AGBL4: variants seen among roughly 807,000 people sequenced by gnomAD.
AGBL4 encodes AGBL carboxypeptidase 4, also known as cytosolic carboxypeptidase 6.
AGBL4 carries 58 observed loss-of-function variants against 66.4 expected under a neutral mutation model. The ratio of observed to expected loss-of-function variants is 0.87; its 90% confidence interval spans 0.71 to 1.09. The LOEUF (loss-of-function observed/expected upper bound fraction) is 1.09, where lower values mean the gene tolerates loss of function less well. Among genes scored for constraint, AGBL4 ranks in the 50% least tolerant of loss-of-function variants. The probability of loss-of-function intolerance (pLI) is 0.00; values close to 1 mark genes in which losing one functional copy is unlikely to be tolerated. For missense variants in AGBL4, 579 were observed against 631.0 expected, an observed-to-expected ratio of 0.92 and a Z score of 0.88; for synonymous variants, 234 against 222.9, an observed-to-expected ratio of 1.05 and a Z score of -0.44.
Position 49,987,066 on chromosome 1 carries a change from C to T in AGBL4, c.34+36697G>A, listed in dbSNP as rs951783830. Among the ~76,000 whole-genome samples, 2 of 151,918 alleles carry T rather than the reference C, an allele frequency of 1.3e-5. 1 individual carries two copies. Among genetic ancestry groups the T allele is most frequent in the South Asian group, 4.1e-4 (2 of 4,824 alleles). On this transcript the variant is annotated intron_variant, in intron 1 of 13. Coordinates refer to ENST00000371839, the MANE Select transcript of AGBL4 (RefSeq NM_032785.4). ...CTTCCCTGCTGGTAAAGGAAATGAT[C>T]TATGTATAATACAGCCACTCAAGGG...
At chr1:49,797,929 A>G (rs916339343) in intron 2 of AGBL4, among the ~76,000 whole-genome samples, 1 of 151,970 alleles carries the variant, frequency 6.6e-6, no homozygotes, top group African/African-American at 2.4e-5. Context: ...ACACCCGGCT[A>G]ATTTTGTATT....
chr1:48,756,296 C>A (rs72681062), intron 6 of AGBL4, among the ~76,000 whole-genome samples: 2 of 152,202 alleles, frequency 1.3e-5, no homozygotes, highest in African/African-American at 4.8e-5. Context: ...CTTCTCTGAC[C>A]CCTCAAAATC....
chr1:48,544,544 C>T (rs893671460), intron 11 of AGBL4, among the ~76,000 whole-genome samples: 1 of 152,168 alleles, frequency 6.6e-6, no homozygotes, highest in African/African-American at 2.4e-5. Flanking sequence ...TTACTCTTCC[C>T]TTGAATTTGG....
chr1:48,776,747 G>T lies in AGBL4; in HGVS notation c.634+90444C>A, dbSNP rs775844781. 25 of 1,527,478 alleles carry T rather than the reference G, an allele frequency of 1.6e-5. 1 individual carries two copies. In the South Asian group the frequency reaches 2.9e-4, roughly 18 times the overall value. The allele number at this position is 1,527,478 out of a possible 1,614,324, so 94.6% of individuals were successfully genotyped here. A position where few individuals can be genotyped will look rare whatever the true frequency, so the allele number is the denominator to read the frequency against. Reference sequence around the variant, plus strand: ...ACCTTCTGGTTGTCAAAATCCAGCCGCGAGCGGGGGCTGAAGTCGCGCACG... The same window carrying T: ...ACCTTCTGGTTGTCAAAATCCAGCCTCGAGCGGGGGCTGAAGTCGCGCACG... On this transcript the variant is annotated intron_variant, in intron 6 of 13. Coordinates refer to ENST00000371839, the MANE Select transcript of AGBL4 (RefSeq NM_032785.4).
At chr1:49,577,377 G>A (rs1241441709) in intron 3 of AGBL4, among the ~76,000 whole-genome samples, 1 of 152,190 alleles carries the variant, frequency 6.6e-6, no homozygotes, top group Non-Finnish European at 1.5e-5. Flanking sequence ...CACTCAGTGA[G>A]GCTGACCTGG....
intron 5 of AGBL4, among the ~76,000 whole-genome samples, chr1:48,982,265 A>G (rs1659832705): frequency 6.6e-6 from 1 of 152,160 alleles, no homozygotes; most frequent in Non-Finnish European, 1.5e-5. Flanking sequence ...TTACATATAT[A>G]TACATGTGCC....
At chr1:49,581,906 G>A (rs572583554) in intron 3 of AGBL4, among the ~76,000 whole-genome samples, 1 of 152,296 alleles carries the variant, frequency 6.6e-6, no homozygotes, top group Non-Finnish European at 1.5e-5. Context: ...AGATGCCATA[G>A]GCAATGGTGG....
intron 3 of AGBL4, among the ~76,000 whole-genome samples, chr1:49,410,811 T>G (rs1034664021): frequency 6.6e-6 from 1 of 152,116 alleles, no homozygotes; most frequent in African/African-American, 2.4e-5. Flanking sequence ...CCCTCACACC[T>G]TATGATGATG....
intron 6 of AGBL4, among the ~76,000 whole-genome samples, chr1:48,782,960 CT>C (rs1349597208): frequency 6.6e-6 from 1 of 152,196 alleles, no homozygotes; most frequent in Admixed American, 6.5e-5. Context: ...AACCACTGAT[CT>C]TTTTACTGTC....
chr1:49,120,042 C>T (rs1645619301), intron 4 of AGBL4, among the ~76,000 whole-genome samples: 2 of 152,126 alleles, frequency 1.3e-5, no homozygotes, highest in Non-Finnish European at 2.9e-5. Flanking sequence ...GTAGATCTTT[C>T]TCCATCCCTT....
At chr1:49,702,282 A>G (rs1647110761) in intron 2 of AGBL4, among the ~76,000 whole-genome samples, 3 of 152,048 alleles carry the variant, frequency 2.0e-5, no homozygotes, top group Admixed American at 2.0e-4. Flanking sequence ...TACAAGGTCA[A>G]GAGATGGAGA....
chr1:49,076,680 T>C (rs1476614944), intron 4 of AGBL4, among the ~76,000 whole-genome samples: 4 of 152,166 alleles, frequency 2.6e-5, no homozygotes, highest in African/African-American at 9.7e-5. Context: ...TCAACACACA[T>C]TGAGCAAATG....
chr1:48,927,342 C>G lies in AGBL4; in HGVS notation c.595-60112G>C, dbSNP rs139565540. On this transcript the variant is annotated intron_variant, in intron 5 of 13. Coordinates refer to ENST00000371839, the MANE Select transcript of AGBL4 (RefSeq NM_032785.4). ...AAGAGAGAGAGCATGTGCAGGGTAA[C>G]TCCGCTTTATAAAACTGTCAGATCT... Among the ~76,000 whole-genome samples the G allele has an allele frequency of 3.0e-4, 45 of 152,250 alleles. No homozygotes were observed. The East Asian group carries it at 8.5e-3, about 29-fold the overall frequency.
At chr1:49,357,592 T>C (rs1335299241) in intron 3 of AGBL4, among the ~76,000 whole-genome samples, 3 of 152,180 alleles carry the variant, frequency 2.0e-5, no homozygotes, top group Non-Finnish European at 4.4e-5. Flanking sequence ...TGAATTTTTC[T>C]TCTCAACTAT....
intron 4 of AGBL4, among the ~76,000 whole-genome samples, chr1:49,096,789 T>C (rs1307049151): frequency 3.3e-5 from 5 of 151,470 alleles, no homozygotes; most frequent in Admixed American, 6.6e-5. Context: ...TGTATACATA[T>C]GTAACAAACC....
chr1:49,892,095 T>G (rs1416728288), intron 1 of AGBL4, among the ~76,000 whole-genome samples: 1 of 152,084 alleles, frequency 6.6e-6, no homozygotes, highest in South Asian at 2.1e-4. Flanking sequence ...GTGAACAAGA[T>G]AGCAACAAAT....
At chr1:49,831,980 C>G (rs1412306786) in intron 2 of AGBL4, among the ~76,000 whole-genome samples, 3 of 145,678 alleles carry the variant, frequency 2.1e-5, no homozygotes, top group Non-Finnish European at 4.6e-5. Flanking sequence ...GGTGGATAAG[C>G]TTTTTTTTTT....
intron 9 of AGBL4, among the ~76,000 whole-genome samples, chr1:48,594,805 C>T (rs1644970860): frequency 6.6e-6 from 1 of 152,036 alleles, no homozygotes. Context: ...TGGTTGGGAT[C>T]AAATGGAATG....
intron 6 of AGBL4, among the ~76,000 whole-genome samples, chr1:48,844,113 T>C (rs1558034433): frequency 6.6e-6 from 1 of 152,172 alleles, no homozygotes; most frequent in Non-Finnish European, 1.5e-5. Context: ...TATCCATCTA[T>C]GGTGAATTCT....
Sources: gnomAD v4.1 joint callset for allele counts (sites outside exome capture counted in the v4.1 genomes callset) on GRCh38, gnomAD v4.1.1 for gene constraint, MANE v1.5 for transcripts, NCBI Gene and HGNC (gene_info 2026-07-23, HGNC 2026-07-21) for gene names.